RPS6KA3: variants seen among roughly 807,000 people sequenced by gnomAD.
RPS6KA3 encodes ribosomal protein S6 kinase alpha-3.
RPS6KA3 carries 4 observed loss-of-function variants against 67.2 expected under a neutral mutation model. The ratio of observed to expected loss-of-function variants is 0.06; its 90% confidence interval spans 0.03 to 0.14. RPS6KA3 has a LOEUF of 0.14. Among genes scored for constraint, RPS6KA3 ranks in the 10% least tolerant of loss-of-function variants. The pLI is 1.00. For synonymous variants in RPS6KA3, 182 were observed against 183.7 expected (o/e 0.99, Z 0.07); for missense variants, 204 against 559.0 (o/e 0.36, Z 6.40).
At chrX:20,177,300 A>T (rs769368391) in intron 10 of RPS6KA3, among the ~76,000 whole-genome samples, 6 of 112,289 alleles carry the variant, frequency 5.3e-5, no homozygotes, top group Non-Finnish European at 1.1e-4. Flanking sequence ...ATTGACATGG[A>T]GACAATCCAA....
chrX:20,251,732 A>G (rs891131971), intron 1 of RPS6KA3, among the ~76,000 whole-genome samples: 5 of 113,056 alleles, frequency 4.4e-5, no homozygotes, highest in Non-Finnish European at 7.5e-5. Context: ...CTTCAGAACT[A>G]TCTTGCAAAA....
intron 2 of RPS6KA3, chrX:20,218,941 G>C: frequency 1.6e-6 from 1 of 630,606 alleles, no homozygotes; most frequent in Non-Finnish European, 2.4e-6. Context: ...CAGCTGTTCC[G>C]GCAATTAGAA....
At chrX:20,231,562 T>C (rs773538646) in intron 2 of RPS6KA3, among the ~76,000 whole-genome samples, 1 of 111,660 alleles carries the variant, frequency 9.0e-6, no homozygotes, top group South Asian at 3.8e-4. Context: ...ATGACAGTAA[T>C]TGAAAAAGTA....
At chrX:20,201,323 G>C (rs2068426716) in intron 4 of RPS6KA3, among the ~76,000 whole-genome samples, 1 of 110,405 alleles carries the variant, frequency 9.1e-6, no homozygotes, top group Admixed American at 9.6e-5. Flanking sequence ...ATTTTTTGTA[G>C]AGACAGGGTC....
At chrX:20,202,155 G>A (rs184713079) in intron 4 of RPS6KA3, among the ~76,000 whole-genome samples, 1,157 of 107,998 alleles carry the variant, frequency 0.011, 6 homozygotes, top group Middle Eastern at 0.014. Context: ...AATTTTTTTT[G>A]TATTTTTAGT....
At chrX:20,162,593 C>T (rs2067333559) in intron 19 of RPS6KA3, among the ~76,000 whole-genome samples, 1 of 109,193 alleles carries the variant, frequency 9.2e-6, no homozygotes, top group African/African-American at 3.3e-5. Context: ...CCTGTAATCT[C>T]AGCACTTTGG....
intron 1 of RPS6KA3, among the ~76,000 whole-genome samples, chrX:20,244,444 AC>A: frequency 8.9e-6 from 1 of 112,683 alleles, no homozygotes; most frequent in East Asian, 2.7e-4. Context: ...GAAATAAGTA[AC>A]AGCTATCATT....
chrX:20,217,408 CTG>C (rs1396683747), intron 2 of RPS6KA3, among the ~76,000 whole-genome samples: 1 of 112,742 alleles, frequency 8.9e-6, no homozygotes, highest in Non-Finnish European at 1.9e-5. Context: ...AGAAAACAAA[CTG>C]AGAGATATTA....
At chrX:20,209,854 A>G in intron 2 of RPS6KA3, among the ~76,000 whole-genome samples, 1 of 112,268 alleles carries the variant, frequency 8.9e-6, no homozygotes, top group Non-Finnish European at 1.9e-5. Flanking sequence ...GTGTTTATTG[A>G]GGAGAGGGGT....
At chrX:20,191,922 C>T (rs147146075) in intron 7 of RPS6KA3, among the ~76,000 whole-genome samples, 133 of 110,457 alleles carry the variant, frequency 1.2e-3, no homozygotes, top group African/African-American at 4.2e-3. Flanking sequence ...TGCCCCTCCA[C>T]ACCTGGCCAA....
intron 18 of RPS6KA3, among the ~76,000 whole-genome samples, chrX:20,163,378 C>T (rs1362154339): frequency 1.8e-5 from 2 of 111,140 alleles, no homozygotes; most frequent in African/African-American, 6.6e-5. Flanking sequence ...AACACATACA[C>T]ACACGCACAC....
intron 20 of RPS6KA3, among the ~76,000 whole-genome samples, chrX:20,161,415 T>A (rs1482701363): frequency 8.9e-6 from 1 of 112,081 alleles, no homozygotes; most frequent in Non-Finnish European, 1.9e-5. Context: ...TTATTATTTA[T>A]CACGTTCTTC....
chrX:20,157,407 G>A lies in RPS6KA3; in HGVS notation c.1960-1158C>T, dbSNP rs1486271953. ...AGGTCCCAGCTATTTGGGAGGCTGA[G>A]GCAGAGATCATTTGAGCCCAGGAAG... On this transcript the variant is annotated intron_variant, in intron 20 of 21. Transcript: ENST00000379565. Among the ~76,000 whole-genome samples the A allele has an allele frequency of 2.2e-4, 23 of 105,859 alleles. No homozygotes were observed. The Admixed American group carries it at 2.4e-3, about 11-fold the overall frequency. 91.9% of individuals were successfully genotyped at this position (105,859 alleles called of 115,157 possible). A position where few individuals can be genotyped will look rare whatever the true frequency, so the allele number is the denominator to read the frequency against.
At chrX:20,229,369 G>A (rs1466519965) in intron 2 of RPS6KA3, among the ~76,000 whole-genome samples, 1 of 112,021 alleles carries the variant, frequency 8.9e-6, no homozygotes, top group Non-Finnish European at 1.9e-5. Flanking sequence ...CACAGTTTTG[G>A]TGGACCAGGA....
chrX:20,255,490 T>C (rs1246152309), intron 1 of RPS6KA3, among the ~76,000 whole-genome samples: 1 of 111,758 alleles, frequency 8.9e-6, no homozygotes, highest in Non-Finnish European at 1.9e-5. Context: ...AATATCTCAA[T>C]TAAAAAAGGA....
intron 14 of RPS6KA3, 97 bp downstream of exon 14, chrX:20,175,067 A>T: frequency 2.3e-6 from 2 of 879,559 alleles, no homozygotes; most frequent in Non-Finnish European, 3.3e-6. Flanking sequence ...AATGTATTTT[A>T]AATTGCTCAC....
At chrX:20,214,846 T>C (rs756914191) in intron 2 of RPS6KA3, among the ~76,000 whole-genome samples, 1 of 104,776 alleles carries the variant, frequency 9.5e-6, no homozygotes, top group East Asian at 2.9e-4. Context: ...TTTTTCTTTT[T>C]TTTTTTTTTT....
chrX:20,250,749 ATGT>A (rs1160023986), intron 1 of RPS6KA3, among the ~76,000 whole-genome samples: 1 of 111,753 alleles, frequency 8.9e-6, no homozygotes, highest in Non-Finnish European at 1.9e-5. Flanking sequence ...CAATTCTTAT[ATGT>A]TGTTAGATTT....
At chrX:20,250,050 A>C (rs994789220) in intron 1 of RPS6KA3, among the ~76,000 whole-genome samples, 2 of 112,505 alleles carry the variant, frequency 1.8e-5, no homozygotes, top group African/African-American at 6.5e-5. Context: ...AACTTTGACA[A>C]AAATCAGTTG....
Sources: gnomAD v4.1 joint callset for allele counts (sites outside exome capture counted in the v4.1 genomes callset) on GRCh38, gnomAD v4.1.1 for gene constraint, MANE v1.5 for transcripts, NCBI Gene and HGNC (gene_info 2026-07-23, HGNC 2026-07-21) for gene names.